The following ABCC9 variants were observed in gnomAD, a reference collection of about 807,000 sequenced individuals.
The protein encoded by ABCC9 is ATP-binding cassette sub-family C member 9.
In ABCC9, 95 loss-of-function variants were observed where a neutral mutation model predicts 188.3. The ratio of observed to expected loss-of-function variants is 0.50; its 90% CI spans 0.43 to 0.60. The LOEUF is 0.60. ABCC9 is among the 20% of genes least tolerant of loss of function. The pLI is 0.00. For synonymous variants in ABCC9, 659 were observed against 652.7 expected, an observed-to-expected ratio of 1.01 and a Z score of -0.15; for missense variants, 1,102 against 1,876.3, an observed-to-expected ratio of 0.59 and a Z score of 7.62.
At chr12:21,825,341 C>T (rs940074048) in intron 31 of ABCC9, among the ~76,000 whole-genome samples, 7 of 152,160 alleles carry the variant, frequency 4.6e-5, no homozygotes, top group African/African-American at 1.7e-4. Flanking sequence ...GATACATGCA[C>T]ATATATGTTT....
intron 5 of ABCC9, chr12:21,923,992 G>T (rs1948946212): frequency 3.7e-6 from 2 of 534,044 alleles, no homozygotes; most frequent in Non-Finnish European, 6.6e-6. Flanking sequence ...CTTAGAAAAA[G>T]AAGCCTTACT....
At chr12:21,923,974 A>C (rs1948945408) in intron 5 of ABCC9, 10 of 546,570 alleles carry the variant, frequency 1.8e-5, no homozygotes. Context: ...GAGCATCAAA[A>C]AATCATGCTT....
chr12:21,870,805 A>T (rs889172496), intron 18 of ABCC9, among the ~76,000 whole-genome samples: 2 of 152,226 alleles, frequency 1.3e-5, no homozygotes, highest in Admixed American at 1.3e-4. Flanking sequence ...AAATAAAACA[A>T]TACAAAACTT....
intron 12 of ABCC9, among the ~76,000 whole-genome samples, chr12:21,903,936 A>T (rs1033320736): frequency 6.6e-6 from 1 of 152,228 alleles, no homozygotes; most frequent in Non-Finnish European, 1.5e-5. Flanking sequence ...ACTACTTTAA[A>T]GTTCATATGG....
chr12:21,809,191 T>C (rs1942060653), intron 37 of ABCC9, among the ~76,000 whole-genome samples: 1 of 152,144 alleles, frequency 6.6e-6, no homozygotes, highest in Non-Finnish European at 1.5e-5. Context: ...TTAAAGATAG[T>C]ATGAACTCTC....
chr12:21,839,163 A>T (rs1244000459), intron 29 of ABCC9, among the ~76,000 whole-genome samples: 5 of 152,180 alleles, frequency 3.3e-5, no homozygotes, highest in Non-Finnish European at 5.9e-5. Context: ...AGAGGTTTTT[A>T]AAAAAATGTT....
intron 2 of ABCC9, among the ~76,000 whole-genome samples, chr12:21,937,763 C>G (rs1591762841): frequency 6.6e-6 from 1 of 152,118 alleles, no homozygotes; most frequent in Admixed American, 6.5e-5. Context: ...TACTGAGGTC[C>G]AGATAAGTTC....
chr12:21,900,501 C>T (rs1947683462), intron 12 of ABCC9, among the ~76,000 whole-genome samples: 1 of 152,176 alleles, frequency 6.6e-6, no homozygotes, highest in Non-Finnish European at 1.5e-5. Flanking sequence ...TTCAGACGAT[C>T]AAACTTCTCT....
intron 14 of ABCC9, among the ~76,000 whole-genome samples, chr12:21,888,367 C>G (rs1225901600): frequency 6.6e-6 from 1 of 152,062 alleles, no homozygotes; most frequent in Non-Finnish European, 1.5e-5. Flanking sequence ...ACTAAGTAAC[C>G]TGCCTAAAAC....
At chr12:21,852,291 T>C in intron 23 of ABCC9, 69 bp from the exon 24 acceptor site, 1 of 1,613,220 alleles carries the variant, frequency 6.2e-7, no homozygotes, top group Non-Finnish European at 8.5e-7. Flanking sequence ...TACCTTTATT[T>C]CAGAAAGCAT....
At chr12:21,923,859 G>A in intron 5 of ABCC9, 1 of 697,866 alleles carries the variant, frequency 1.4e-6, no homozygotes. Flanking sequence ...GCTAAAACCT[G>A]GAAATAGTAC....
At chr12:21,933,356 C>T (rs193066093) in intron 4 of ABCC9, among the ~76,000 whole-genome samples, 2 of 152,124 alleles carry the variant, frequency 1.3e-5, no homozygotes, top group Non-Finnish European at 2.9e-5. Flanking sequence ...TAAACACGCA[C>T]TTGTACCCCT....
At chr12:21,875,190 A>G (rs1946280759) in intron 17 of ABCC9, among the ~76,000 whole-genome samples, 2 of 152,232 alleles carry the variant, frequency 1.3e-5, no homozygotes, top group African/African-American at 2.4e-5. Flanking sequence ...ACTCATCAAA[A>G]TGTAAGCATT....
intron 28 of ABCC9, among the ~76,000 whole-genome samples, chr12:21,843,206 A>G (rs760246415): frequency 6.6e-6 from 1 of 152,192 alleles, no homozygotes; most frequent in Non-Finnish European, 1.5e-5. Context: ...ATGTTTTAAT[A>G]TGACCACCTC....
At chr12:21,908,315 T>C (rs1455719348) in intron 10 of ABCC9, 104 bp from the exon 11 acceptor site, 8 of 1,390,738 alleles carry the variant, frequency 5.8e-6, no homozygotes, top group Non-Finnish European at 6.0e-6. Flanking sequence ...TTAATTATTA[T>C]ATTGTTTATT....
intron 30 of ABCC9, among the ~76,000 whole-genome samples, chr12:21,837,703 T>C (rs1168798467): frequency 2.0e-5 from 3 of 152,228 alleles, no homozygotes; most frequent in Non-Finnish European, 2.9e-5. Flanking sequence ...TATTGGATGC[T>C]TCTTCAATAG....
Position 21,799,472 on chromosome 12 carries a change from T to C in ABCC9, c.*1572A>G, listed in dbSNP as rs1270333163. The stretch of plus-strand genomic sequence containing the variant: ...ATTCTGTTTAGCTTTAAGAAAACAA[T>C]AAGGTTATTTTCTTCCAAGGAAGTT... On this transcript the variant is annotated 3_prime_UTR_variant, in exon 40 of 40. Coordinates refer to ENST00000261200, the MANE Select transcript of ABCC9 (RefSeq NM_020297.4). 1.3e-5 allele frequency: 2 copies of C among 152,138 alleles called. No individual in the cohort carries two copies. Among genetic ancestry groups the C allele is most frequent in the Non-Finnish European group, 2.9e-5 (2 of 68,002 alleles). The allele number at this position is 152,138 out of a possible 1,614,324, so 9.4% of individuals were successfully genotyped here.
At chr12:21,820,024 C>A (rs1942939932) in intron 31 of ABCC9, among the ~76,000 whole-genome samples, 1 of 152,148 alleles carries the variant, frequency 6.6e-6, no homozygotes, top group Admixed American at 6.6e-5. Context: ...TGTTCTTCTG[C>A]AGTTTATACA....
chr12:21,852,106 T>A lies in ABCC9; in HGVS notation c.2760A>T (p.Glu920Asp). The change falls in exon 24 of 40, where the codon GAA becomes GAT. Residue 920 changes from glutamate to aspartate, a missense_variant. Physicochemically the swap from Glu to Asp is conservative, Grantham distance 45. Around this residue, in one of 12 missense-constraint regions of ABCC9, gnomAD observed 131 missense variants for 170.2 expected, o/e 0.77. Transcript: ENST00000261200. ...WKTLMNRQDQ[E>D]LEKDMEADQT... ...AACTATGAGCACTTACCTTTTCTAA[T>A]TCTTGATCTTGCCGATTCATAAGTG... 1.2e-6 allele frequency: 2 copies of A among 1,613,718 alleles called. No individual in the cohort carries two copies. The highest frequency in any genetic ancestry group is 1.7e-6 in the Non-Finnish European group (2 of 1,179,844).
Sources: allele counts gnomAD v4.1 joint callset (sites outside exome capture counted in the v4.1 genomes callset), GRCh38; gene constraint gnomAD v4.1.1; regional missense constraint gnomAD v4.1.1; transcripts MANE v1.5; gene names NCBI Gene and HGNC (gene_info 2026-07-23, HGNC 2026-07-21).